The following SLC2A13 variants were observed in gnomAD, a reference collection of about 807,000 sequenced individuals.
The protein encoded by SLC2A13 is solute carrier family 2 member 13.
SLC2A13 carries 32 observed loss-of-function variants against 64.4 expected under a neutral mutation model. That is an observed-to-expected ratio of 0.50 (90% CI 0.37 to 0.67). The LOEUF is 0.67. SLC2A13 is among the 30% of genes least tolerant of loss of function. The pLI, the probability that SLC2A13 is intolerant of heterozygous loss-of-function variation, is 0.00. For synonymous variants in SLC2A13, 338 were observed against 327.1 expected (o/e 1.03, Z -0.36); for missense variants, 743 against 829.2 (o/e 0.90, Z 1.28).
intron 1 of SLC2A13, among the ~76,000 whole-genome samples, chr12:40,064,522 A>C (rs1386885991): frequency 7.8e-6 from 1 of 128,580 alleles, no homozygotes; most frequent in Non-Finnish European, 1.7e-5. Flanking sequence ...CCCACAGTGC[A>C]AGGAAATTCT....
chr12:40,057,566 T>C (rs1372950552), intron 1 of SLC2A13, among the ~76,000 whole-genome samples: 3 of 152,196 alleles, frequency 2.0e-5, no homozygotes, highest in Non-Finnish European at 2.9e-5. Flanking sequence ...GGTAAATGGG[T>C]ACACTGCTGA....
At chr12:39,886,855 A>T (rs1425945331) in intron 4 of SLC2A13, among the ~76,000 whole-genome samples, 1 of 152,210 alleles carries the variant, frequency 6.6e-6, no homozygotes, top group Non-Finnish European at 1.5e-5. Context: ...TCCTGATAAA[A>T]GAGGAAAAGA....
chr12:40,101,242 T>A (rs2136308657), intron 1 of SLC2A13, among the ~76,000 whole-genome samples: 1 of 152,302 alleles, frequency 6.6e-6, no homozygotes, highest in South Asian at 2.1e-4. Context: ...ACGCAGTATT[T>A]TTTTTACAAC....
chr12:39,970,297 C>G (rs924171041), intron 3 of SLC2A13, among the ~76,000 whole-genome samples: 6 of 152,196 alleles, frequency 3.9e-5, no homozygotes, highest in African/African-American at 1.4e-4. Context: ...TTTTTTGGTT[C>G]CATATGAACT....
rs536549099 is a variant in SLC2A13, at chr12:39,772,296, T to C, written c.1446-7438A>G. On this transcript the variant is annotated intron_variant, in intron 7 of 9. Coordinates refer to ENST00000280871, the MANE Select transcript of SLC2A13 (RefSeq NM_052885.4). ...ACTTAACCTCTCTGTGTCTCAATTTTCTTGTAAAATAAGAGTCCATATAGG... is the reference window on the plus strand; with the variant it reads ...ACTTAACCTCTCTGTGTCTCAATTTCCTTGTAAAATAAGAGTCCATATAGG... 1.8e-4 allele frequency among the ~76,000 whole-genome samples: 28 copies of C among 152,264 alleles called. No individual in the cohort carries two copies. The South Asian group carries it at 5.4e-3, about 29-fold the overall frequency.
chr12:39,910,894 C>T (rs1294378676), intron 4 of SLC2A13, among the ~76,000 whole-genome samples: 2 of 151,916 alleles, frequency 1.3e-5, no homozygotes, highest in Non-Finnish European at 2.9e-5. Flanking sequence ...ACCAGCCTGA[C>T]CAATATGGTG....
At chr12:40,097,356 T>C (rs1234231943) in intron 1 of SLC2A13, among the ~76,000 whole-genome samples, 1 of 152,200 alleles carries the variant, frequency 6.6e-6, no homozygotes, top group African/African-American at 2.4e-5. Flanking sequence ...GTTTTGTGTG[T>C]GTTTAGCAAA....
At chr12:40,049,353 C>G (rs191094273) in intron 1 of SLC2A13, among the ~76,000 whole-genome samples, 1 of 151,904 alleles carries the variant, frequency 6.6e-6, no homozygotes, top group Non-Finnish European at 1.5e-5. Context: ...TGCTTTTTAA[C>G]GAATTTATGA....
chr12:39,896,555 T>C (rs1944915546), intron 4 of SLC2A13, among the ~76,000 whole-genome samples: 1 of 135,218 alleles, frequency 7.4e-6, no homozygotes, highest in South Asian at 2.4e-4. Flanking sequence ...TGTGTATACA[T>C]GTATACATAT....
chr12:39,782,275 G>C (rs1045089467), intron 7 of SLC2A13, among the ~76,000 whole-genome samples: 3 of 152,126 alleles, frequency 2.0e-5, no homozygotes, highest in African/African-American at 7.2e-5. Context: ...ATCTCAATTT[G>C]AATTGTATCT....
Position 39,897,104 on chromosome 12 carries a change from C to T in SLC2A13, c.1035-25143G>A, listed in dbSNP as rs138461479. The stretch of plus-strand genomic sequence containing the variant: ...GGTTATTTCTAGTTGATAGTTCTTT[C>T]TTTATCATTGTTCCTGTGAATTAAG... On this transcript the variant is annotated intron_variant, in intron 4 of 9. Coordinates refer to ENST00000280871, the MANE Select transcript of SLC2A13 (RefSeq NM_052885.4). 3.3e-5 allele frequency among the ~76,000 whole-genome samples: 5 copies of T among 152,226 alleles called. No individual in the cohort carries two copies. In the East Asian group the frequency reaches 7.7e-4, roughly 24 times the overall value.
intron 7 of SLC2A13, among the ~76,000 whole-genome samples, chr12:39,814,895 A>G (rs1942297692): frequency 1.3e-5 from 2 of 152,226 alleles, no homozygotes; most frequent in Non-Finnish European, 2.9e-5. Flanking sequence ...TAGATAAGGC[A>G]GAAAGATATG....
At chr12:39,897,277 G>A (rs901535910) in intron 4 of SLC2A13, among the ~76,000 whole-genome samples, 1 of 152,124 alleles carries the variant, frequency 6.6e-6, no homozygotes, top group Admixed American at 6.6e-5. Flanking sequence ...TTAAAAGAAC[G>A]TGGTTATGCT....
chr12:39,925,104 T>C (rs1945700424), intron 4 of SLC2A13, among the ~76,000 whole-genome samples: 1 of 147,960 alleles, frequency 6.8e-6, no homozygotes, highest in Admixed American at 6.9e-5. Flanking sequence ...GGCATGATCA[T>C]GGATCGCTCA....
intron 4 of SLC2A13, among the ~76,000 whole-genome samples, chr12:39,877,120 T>C (rs751679339): frequency 6.6e-6 from 1 of 152,194 alleles, no homozygotes; most frequent in African/African-American, 2.4e-5. Context: ...ATTGGGAGAC[T>C]GTTTGTATAC....
rs540030298 is a variant in SLC2A13, at chr12:39,756,218, G to A, written c.*3808C>T. 1.3e-5 allele frequency: 2 copies of A among 152,020 alleles called. No homozygotes were observed. The highest frequency in any genetic ancestry group is 6.6e-5 in the Admixed American group (1 of 15,212). The allele number at this position is 152,020 out of a possible 1,614,324, so 9.4% of individuals were successfully genotyped here. A position where few individuals can be genotyped will look rare whatever the true frequency, so the allele number is the denominator to read the frequency against. On this transcript the variant is annotated 3_prime_UTR_variant, in exon 10 of 10. Transcript: ENST00000280871. Reference sequence around the variant, plus strand: ...TCTTATTGGCAGCAGCTACATATGAGCTATAAATTTTAACCACAATTTAAT... The same window carrying A: ...TCTTATTGGCAGCAGCTACATATGAACTATAAATTTTAACCACAATTTAAT...
chr12:39,871,970 C>A lies in SLC2A13; in HGVS notation c.1035-9G>T. 6.4e-7 allele frequency: 1 copy of A among 1,565,202 alleles called. No homozygotes were observed. Among genetic ancestry groups the A allele is most frequent in the Non-Finnish European group, 8.6e-7 (1 of 1,156,538 alleles). ...TGGTTGCACTGTAGTACCTGCAAAGCAATGAATAAAACAATTGCTATTGAT... is the reference window on the plus strand; with the variant it reads ...TGGTTGCACTGTAGTACCTGCAAAGAAATGAATAAAACAATTGCTATTGAT... On this transcript the variant is annotated splice_polypyrimidine_tract_variant and intron_variant, in intron 4 of 9. Coordinates refer to ENST00000280871, the MANE Select transcript of SLC2A13 (RefSeq NM_052885.4).
chr12:40,087,490 T>C (rs549810037), intron 1 of SLC2A13, among the ~76,000 whole-genome samples: 1 of 152,216 alleles, frequency 6.6e-6, no homozygotes, highest in Non-Finnish European at 1.5e-5. Flanking sequence ...AAATAACCTT[T>C]TTCTCCTGGA....
intron 3 of SLC2A13, among the ~76,000 whole-genome samples, chr12:39,994,201 A>G (rs1947186787): frequency 6.6e-6 from 1 of 151,846 alleles, no homozygotes; most frequent in Admixed American, 6.6e-5. Context: ...CATCCTGGAC[A>G]GTGAAACCCC....
Sources: allele counts gnomAD v4.1 joint callset (sites outside exome capture counted in the v4.1 genomes callset), GRCh38; gene constraint gnomAD v4.1.1; transcripts MANE v1.5; gene names NCBI Gene and HGNC (gene_info 2026-07-23, HGNC 2026-07-21).